PDXDC1: variants seen among roughly 807,000 people sequenced by gnomAD.
The protein encoded by PDXDC1 is pyridoxal-dependent decarboxylase domain-containing protein 1.
PDXDC1 carries 42 observed loss-of-function variants against 100.1 expected under a neutral mutation model. That is an observed-to-expected ratio of 0.42 (90% confidence interval 0.33 to 0.54). PDXDC1 has a LOEUF of 0.54. Ranked by LOEUF, PDXDC1 falls within the 20% of genes least tolerant of loss-of-function variation. PDXDC1 has a pLI of 0.10. For missense variants in PDXDC1, 636 were observed against 979.2 expected (o/e 0.65, Z 4.68); for synonymous variants, 260 against 371.7 (o/e 0.70, Z 3.46).
intron 16 of PDXDC1, among the ~76,000 whole-genome samples, chr16:15,122,216 T>C (rs2047457406): frequency 2.6e-5 from 4 of 151,484 alleles, no homozygotes; most frequent in Admixed American, 2.0e-4. Flanking sequence ...ACAAATCAAA[T>C]GACATTTCAC....
At chr16:15,073,190 G>T in intron 16 of PDXDC1, 1 of 1,248,764 alleles carries the variant, frequency 8.0e-7, no homozygotes, top group African/African-American at 1.5e-5. Context: ...ATCCAGCCAA[G>T]CACAGTGGCT....
At chr16:14,979,442 A>G (rs1967453416) in intron 1 of PDXDC1, among the ~76,000 whole-genome samples, 1 of 152,230 alleles carries the variant, frequency 6.6e-6, no homozygotes, top group Non-Finnish European at 1.5e-5. Flanking sequence ...GGCACCCACC[A>G]CCACACCTGG....
intron 19 of PDXDC1, 73 bp from the exon 20 acceptor site, chr16:15,034,213 G>A (rs964318872): frequency 7.7e-7 from 1 of 1,297,710 alleles, no homozygotes; most frequent in Non-Finnish European, 1.1e-6. Context: ...TTCCCTCAGT[G>A]CTGTGTTACT....
chr16:15,033,992 A>G lies in PDXDC1; in HGVS notation c.1813-294A>G. The G allele has an allele frequency of 5.8e-6, 3 of 513,506 alleles. No individual in the cohort carries two copies. The East Asian group carries it at 9.7e-5, about 17-fold the overall frequency. The allele number at this position is 513,506 out of a possible 1,614,324, so 31.8% of individuals were successfully genotyped here. A position where few individuals can be genotyped will look rare whatever the true frequency, so the allele number is the denominator to read the frequency against. On this transcript the variant is annotated intron_variant, in intron 19 of 22. Transcript: ENST00000396410. ...CCATTGGACATGCGGCCGAGAAGCC[A>G]GCTTCATTCCTTTCTGGGTGGACTC...
chr16:15,128,968 C>G (rs1275932882), intron 16 of PDXDC1, among the ~76,000 whole-genome samples: 3 of 150,124 alleles, frequency 2.0e-5, no homozygotes, highest in Admixed American at 6.7e-5. Context: ...AACACGCCGG[C>G]CTAATTTTTT....
At chr16:15,017,797 T>A (rs1304784965) in intron 11 of PDXDC1, among the ~76,000 whole-genome samples, 1 of 152,082 alleles carries the variant, frequency 6.6e-6, no homozygotes, top group East Asian at 1.9e-4. Flanking sequence ...TTTAACTTTT[T>A]TTTTTTTTTT....
At chr16:14,996,968 G>A (rs757979841) in intron 1 of PDXDC1, among the ~76,000 whole-genome samples, 9 of 152,266 alleles carry the variant, frequency 5.9e-5, no homozygotes, top group Non-Finnish European at 1.3e-4. Context: ...AAGTTGTCCA[G>A]TTGCCTTGGA....
chr16:15,041,244 T>C (rs1181993428), downstream of PDXDC1: 1 of 712,340 alleles, frequency 1.4e-6, no homozygotes, highest in Admixed American at 2.1e-5. Context: ...TTCCAGAAAA[T>C]GAAAGGGATT....
intron 16 of PDXDC1, among the ~76,000 whole-genome samples, chr16:15,081,116 C>A (rs1274834753): frequency 2.6e-5 from 4 of 152,160 alleles, no homozygotes; most frequent in Non-Finnish European, 4.4e-5. Flanking sequence ...GTCTGTTCAT[C>A]AGTTGACAGA....
chr16:15,047,454 G>A (rs557647318), intron 16 of PDXDC1: 10 of 1,602,878 alleles, frequency 6.2e-6, no homozygotes, highest in South Asian at 3.3e-5. Flanking sequence ...TCCACATTGA[G>A]CGTGGTCAGA....
chr16:15,087,912 C>A (rs529986574), intron 16 of PDXDC1, among the ~76,000 whole-genome samples: 1 of 151,766 alleles, frequency 6.6e-6, no homozygotes, highest in Admixed American at 6.6e-5. Flanking sequence ...GTTGGGAGTT[C>A]GAGATGAGCC....
At chr16:15,084,760 C>T (rs1167853198) in intron 16 of PDXDC1, 95 of 1,217,226 alleles carry the variant, frequency 7.8e-5, no homozygotes, top group South Asian at 2.4e-4. Flanking sequence ...AAGGGCGACA[C>T]GCTTGAAGCT....
intron 1 of PDXDC1, among the ~76,000 whole-genome samples, chr16:14,994,106 G>GGTA (rs1451665278): frequency 1.3e-5 from 2 of 152,290 alleles, no homozygotes; most frequent in Non-Finnish European, 2.9e-5. Context: ...TCACTCTGAT[G>GGTA]GTAGTTTCTT....
chr16:15,069,763 C>T (rs1031556846), intron 16 of PDXDC1, among the ~76,000 whole-genome samples: 11 of 152,168 alleles, frequency 7.2e-5, no homozygotes, highest in African/African-American at 2.4e-4. Context: ...TTGTACAGGG[C>T]GCTGGCACAG....
At chr16:14,981,982 C>T (rs1312110842) in intron 1 of PDXDC1, among the ~76,000 whole-genome samples, 1 of 152,274 alleles carries the variant, frequency 6.6e-6, no homozygotes, top group Non-Finnish European at 1.5e-5. Context: ...GCGCCCACCA[C>T]CGCGCCCAGC....
chr16:15,039,925 C>CT (rs768908476), downstream of PDXDC1: 3 of 1,087,816 alleles, frequency 2.8e-6, no homozygotes, highest in South Asian at 1.3e-5. Context: ...ACATTTGATG[C>CT]CTTTTTTTTT....
intron 16 of PDXDC1, among the ~76,000 whole-genome samples, chr16:15,125,046 C>G (rs979717506): frequency 2.1e-5 from 3 of 144,698 alleles, no homozygotes; most frequent in Non-Finnish European, 4.5e-5. Flanking sequence ...ACTCAGGAGG[C>G]TGAGGCAGGA....
At chr16:15,094,240 G>C (rs1200858510) in intron 16 of PDXDC1, 3 of 1,571,658 alleles carry the variant, frequency 1.9e-6, no homozygotes, top group Admixed American at 1.9e-5. Flanking sequence ...CCATTGGGCC[G>C]AACTAACGCG....
chr16:14,978,414 G>A (rs865923113), intron 1 of PDXDC1, among the ~76,000 whole-genome samples: 12 of 152,404 alleles, frequency 7.9e-5, no homozygotes, highest in South Asian at 4.1e-4. Flanking sequence ...TTTTGAGACA[G>A]GATCTCTCTC....
Sources: gnomAD v4.1 joint callset for allele counts (sites outside exome capture counted in the v4.1 genomes callset) on GRCh38, gnomAD v4.1.1 for gene constraint, MANE v1.5 for transcripts, NCBI Gene and HGNC (gene_info 2026-07-23, HGNC 2026-07-21) for gene names.